ANKMY2: variants seen among roughly 807,000 people sequenced by gnomAD.
ANKMY2 encodes ankyrin repeat and MYND domain containing 2, also known as ankyrin repeat and MYND domain-containing protein 2.
In ANKMY2, 36 loss-of-function variants were observed where a neutral mutation model predicts 50.4. That is an observed-to-expected ratio of 0.71 (90% CI 0.55 to 0.94). The LOEUF is 0.94. Ranked by LOEUF, ANKMY2 falls within the 40% of genes least tolerant of loss-of-function variation. ANKMY2 has a pLI of 0.00. For missense variants in ANKMY2, 565 were observed against 524.0 expected (o/e 1.08, Z -0.76); for synonymous variants, 187 against 178.8 (o/e 1.05, Z -0.36).
chr7:16,629,063 T>C (rs1302307170), intron 2 of ANKMY2, among the ~76,000 whole-genome samples: 1 of 152,248 alleles, frequency 6.6e-6, no homozygotes, highest in Non-Finnish European at 1.5e-5. Context: ...GTGTTTTCAC[T>C]GTCATCTGTG....
At position 16,619,433 on chromosome 7, in the gene ANKMY2, C is replaced by T. The variant is rs567467156; in HGVS notation, c.371-3529G>A. Among the ~76,000 whole-genome samples the T allele has an allele frequency of 3.9e-5, 6 of 152,152 alleles. No individual in the cohort carries two copies. The East Asian group carries it at 9.7e-4, about 24-fold the overall frequency. On this transcript the variant is annotated intron_variant, in intron 4 of 9. Transcript: ENST00000306999. ...CCTCCCAAAGTGCTGGGATTACAGG[C>T]GTGAGCTACTGTGCCCGGCCTAATT...
intron 5 of ANKMY2, among the ~76,000 whole-genome samples, chr7:16,612,812 T>C (rs1781276699): frequency 6.6e-6 from 1 of 152,166 alleles, no homozygotes; most frequent in East Asian, 1.9e-4. Context: ...TTCCTTAATC[T>C]CTGCAGCATT....
chr7:16,617,858 T>G (rs1781377950), intron 4 of ANKMY2, among the ~76,000 whole-genome samples: 1 of 151,392 alleles, frequency 6.6e-6, no homozygotes, highest in African/African-American at 2.4e-5. Flanking sequence ...TCCCAGCTAC[T>G]TGGGATACTA....
chr7:16,610,630 A>T lies in ANKMY2; in HGVS notation c.665T>A (p.Met222Lys), dbSNP rs756479222. 7.4e-6 allele frequency: 12 copies of T among 1,613,914 alleles called. No homozygotes were observed. The highest frequency in any genetic ancestry group is 8.5e-7 in the Non-Finnish European group (1 of 1,179,958). The part of the protein sequence containing the change: ...RDMNEVLAMK[M>K]HYISCIFQKC... ...CTGAAAGATACAGCTTATGTAATGC[A>T]TCTTCATAGCCAATACTTCATTCAT... The change falls in exon 6 of 10, where the codon ATG becomes AAG. Residue 222 changes from methionine (M) to lysine (K), a missense_variant. Physicochemically the swap from Met to Lys is moderately conservative, Grantham distance 95 (BLOSUM62 -1). Transcript: ENST00000306999.
Position 16,636,472 on chromosome 7 carries a change from G to T in ANKMY2, c.68-17C>A. 7.7e-7 allele frequency: 1 copy of T among 1,307,104 alleles called. No individual in the cohort carries two copies. The highest frequency in any genetic ancestry group is 1.1e-6 in the Non-Finnish European group (1 of 946,166). 81.0% of individuals were successfully genotyped at this position (1,307,104 alleles called of 1,614,324 possible). A position where few individuals can be genotyped will look rare whatever the true frequency, so the allele number is the denominator to read the frequency against. On this transcript the variant is annotated splice_polypyrimidine_tract_variant and intron_variant, in intron 1 of 9. Transcript: ENST00000306999. ...GGACAGTACCTAAAAAAAAAAAAAA[G>T]ATGAAAAGTAAGGTTATTCGTCACT...
At chr7:16,630,470 A>G (rs906887562) in intron 2 of ANKMY2, among the ~76,000 whole-genome samples, 2 of 152,210 alleles carry the variant, frequency 1.3e-5, no homozygotes, top group African/African-American at 4.8e-5. Context: ...TTTAGATACA[A>G]TCCCCTTAAA....
At chr7:16,616,634 C>A (rs1029952245) in intron 4 of ANKMY2, among the ~76,000 whole-genome samples, 1 of 152,200 alleles carries the variant, frequency 6.6e-6, no homozygotes, top group African/African-American at 2.4e-5. Flanking sequence ...CCACTCTGGG[C>A]AAGCAGGCAG....
intron 1 of ANKMY2, among the ~76,000 whole-genome samples, chr7:16,640,915 G>C (rs557134921): frequency 1.3e-5 from 2 of 152,178 alleles, no homozygotes; most frequent in South Asian, 4.2e-4. Flanking sequence ...AATCTATTTG[G>C]CTTTGTTAGT....
At chr7:16,609,860 T>TA in intron 6 of ANKMY2, 95 bp from the exon 7 acceptor site, 1 of 1,425,022 alleles carries the variant, frequency 7.0e-7, no homozygotes, top group Non-Finnish European at 9.6e-7. Context: ...TTCTGTTACT[T>TA]ATGATTTTCT....
chr7:16,620,483 G>A (rs1368738522), intron 4 of ANKMY2, among the ~76,000 whole-genome samples: 1 of 152,190 alleles, frequency 6.6e-6, no homozygotes, highest in Non-Finnish European at 1.5e-5. Context: ...TGAAGTATAA[G>A]GATTTCATCT....
chr7:16,633,815 G>C (rs1781619999), intron 2 of ANKMY2, among the ~76,000 whole-genome samples: 1 of 151,888 alleles, frequency 6.6e-6, no homozygotes, highest in African/African-American at 2.4e-5. Flanking sequence ...TATTTAATCT[G>C]TTAGTTTCTA....
At chr7:16,638,289 AG>A (rs1583685913) in intron 1 of ANKMY2, among the ~76,000 whole-genome samples, 2 of 152,326 alleles carry the variant, frequency 1.3e-5, no homozygotes, top group East Asian at 3.9e-4. Flanking sequence ...GCCAATCATA[AG>A]CCCCTGTACT....
chr7:16,645,253 G>A (rs1781817504), intron 1 of ANKMY2, among the ~76,000 whole-genome samples: 1 of 152,142 alleles, frequency 6.6e-6, no homozygotes, highest in Non-Finnish European at 1.5e-5. Context: ...GTGGAAATCC[G>A]TACGTTTCCA....
At position 16,600,646 on chromosome 7, in the gene ANKMY2, G is replaced by T; in HGVS notation, c.*115C>A. Reference sequence around the variant, plus strand: ...CTTGAAAACCTGTATTCTATGAAATGTGGAATCCTGCCATGGTGCCACGCA... The same window carrying T: ...CTTGAAAACCTGTATTCTATGAAATTTGGAATCCTGCCATGGTGCCACGCA... On this transcript the variant is annotated 3_prime_UTR_variant, in exon 10 of 10. Coordinates refer to ENST00000306999, the MANE Select transcript of ANKMY2 (RefSeq NM_020319.3). 2 of 852,084 alleles carry T rather than the reference G, an allele frequency of 2.3e-6. No homozygotes were observed. Among genetic ancestry groups the T allele is most frequent in the Non-Finnish European group, 3.3e-6 (2 of 600,854 alleles). The allele number at this position is 852,084 out of a possible 1,614,324, so 52.8% of individuals were successfully genotyped here. A position where few individuals can be genotyped will look rare whatever the true frequency, so the allele number is the denominator to read the frequency against.
intron 9 of ANKMY2, among the ~76,000 whole-genome samples, 158 bp from the exon 10 acceptor site, chr7:16,601,103 AAG>A (rs1244176569): frequency 6.6e-6 from 1 of 152,196 alleles, no homozygotes; most frequent in Non-Finnish European, 1.5e-5. Context: ...GAAAACTGAG[AAG>A]AGAGAGGTTT....
chr7:16,643,900 C>T (rs1423315483), intron 1 of ANKMY2, among the ~76,000 whole-genome samples: 1 of 151,786 alleles, frequency 6.6e-6, no homozygotes, highest in Non-Finnish European at 1.5e-5. Flanking sequence ...AGTAGCCGGG[C>T]ATGGTGGCTC....
intron 4 of ANKMY2, among the ~76,000 whole-genome samples, chr7:16,621,016 G>A (rs1781427638): frequency 1.3e-5 from 2 of 152,064 alleles, no homozygotes. Flanking sequence ...AAAAAGACAT[G>A]CCAATTATCA....
At chr7:16,633,951 T>C (rs1781622177) in intron 2 of ANKMY2, among the ~76,000 whole-genome samples, 1 of 152,180 alleles carries the variant, frequency 6.6e-6, no homozygotes, top group Admixed American at 6.5e-5. Flanking sequence ...TCTTGGTGTA[T>C]TATTAATTTA....
chr7:16,630,654 A>G (rs911125298), intron 2 of ANKMY2, among the ~76,000 whole-genome samples: 2 of 152,222 alleles, frequency 1.3e-5, no homozygotes, highest in African/African-American at 4.8e-5. Flanking sequence ...AGCAAACTTC[A>G]TGCCTCCCAT....
Sources: gnomAD v4.1 joint callset for allele counts (sites outside exome capture counted in the v4.1 genomes callset) on GRCh38, gnomAD v4.1.1 for gene constraint, MANE v1.5 for transcripts, NCBI Gene and HGNC (gene_info 2026-07-23, HGNC 2026-07-21) for gene names.